Variants in TMEM184B observed in about 807,000 individuals in gnomAD.
The protein encoded by TMEM184B is putative MAPK-activating protein FM08.
Under a neutral mutation model 41.8 loss-of-function variants are expected in TMEM184B, and 17 were observed. The observed-to-expected ratio is 0.41, with a 90% CI of 0.28 to 0.61. The LOEUF (loss-of-function observed/expected upper bound fraction) is 0.61. Among genes scored for constraint, TMEM184B ranks in the 20% least tolerant of loss-of-function variants. The probability of loss-of-function intolerance (pLI) is 0.34; values close to 1 mark genes in which losing one functional copy is unlikely to be tolerated. For missense variants in TMEM184B, 393 were observed against 557.8 expected, an observed-to-expected ratio of 0.70 and a Z score of 2.98; for synonymous variants, 240 against 229.5, an observed-to-expected ratio of 1.05 and a Z score of -0.41.
At position 38,225,794 on chromosome 22, in the gene TMEM184B, G is replaced by C. The variant is rs1366027700; in HGVS notation, c.618-201C>G. ...TGGGGTGCGCCTGCAGGCCAGACCA[G>C]CTCTACTGCCTCTGCGTGGCTCGTG... On this transcript the variant is annotated intron_variant, in intron 6 of 8. Transcript: ENST00000361906. The surrounding 1 kb of genome is among the most constrained non-coding windows in gnomAD (Gnocchi z 4.4). Among the ~76,000 whole-genome samples the C allele has an allele frequency of 1.3e-5, 2 of 152,222 alleles. No individual in the cohort carries two copies. Among genetic ancestry groups the C allele is most frequent in the Non-Finnish European group, 2.9e-5 (2 of 68,042 alleles).
chr22:38,268,400 C>G (rs1160981799), intron 1 of TMEM184B, among the ~76,000 whole-genome samples: 1 of 148,316 alleles, frequency 6.7e-6, no homozygotes, highest in Non-Finnish European at 1.5e-5. Context: ...AGAAAGAATT[C>G]TGGCAGACTC....
At chr22:38,216,853 G>A (rs1400036292), downstream of TMEM184B, among the ~76,000 whole-genome samples, 2 of 151,842 alleles carry the variant, frequency 1.3e-5, no homozygotes, top group Non-Finnish European at 2.9e-5. Flanking sequence ...AGAGCAACCC[G>A]GGCAACATAG....
intron 3 of TMEM184B, among the ~76,000 whole-genome samples, chr22:38,244,037 C>A (rs1217505214): frequency 1.3e-5 from 2 of 152,156 alleles, no homozygotes; most frequent in African/African-American, 4.8e-5. Flanking sequence ...CAGCACGTAT[C>A]AAGCCCTTGA....
Position 38,221,184 on chromosome 22 carries a change from C to T in TMEM184B, c.*285G>A, listed in dbSNP as rs898473081. On this transcript the variant is annotated 3_prime_UTR_variant, in exon 9 of 9. Transcript: ENST00000361906. ...CCTGGGTGCGGCTGGTCCCAGCATG[C>T]CCCCAGCACAGGACGGGCAGCAGGG... 1 of 1,261,090 alleles carries T rather than the reference C, an allele frequency of 7.9e-7. No homozygotes were observed. Among genetic ancestry groups the T allele is most frequent in the East Asian group, 3.5e-5 (1 of 28,626 alleles). 78.1% of individuals were successfully genotyped at this position (1,261,090 alleles called of 1,614,324 possible). A position where few individuals can be genotyped will look rare whatever the true frequency, so the allele number is the denominator to read the frequency against.
intron 3 of TMEM184B, among the ~76,000 whole-genome samples, chr22:38,238,107 G>A (rs1208903010): frequency 2.6e-5 from 4 of 151,590 alleles, no homozygotes; most frequent in Non-Finnish European, 5.9e-5. Context: ...GCCCCCTCGC[G>A]GCTTTTTTAT....
At chr22:38,217,693 GTGGCGCATGTCTGTAGTCC>G (rs1009071623), downstream of TMEM184B, among the ~76,000 whole-genome samples, 1 of 151,250 alleles carries the variant, frequency 6.6e-6, no homozygotes, top group African/African-American at 2.4e-5. Context: ...GCTGAGTGTG[GTGGCGCATGTCTGTAGTCC>G]TGGCTACTCA....
At chr22:38,245,847 A>G (rs1032345688) in intron 3 of TMEM184B, 88 bp downstream of exon 3, 8 of 1,375,036 alleles carry the variant, frequency 5.8e-6, no homozygotes, top group Non-Finnish European at 7.9e-6. Context: ...GACAGTCCTC[A>G]TGAAGCCCCT....
In TMEM184B at chr22:38,221,642, G is replaced by A. The variant is rs1316359114; in HGVS notation, c.1051C>T (p.Gln351Ter). 21 of 1,614,144 alleles carry A rather than the reference G, an allele frequency of 1.3e-5. No individual in the cohort carries two copies. The highest frequency in any genetic ancestry group is 1.8e-5 in the Non-Finnish European group (21 of 1,179,998). ...KETMNPHDIV[Q>*]DAIHNFSPAY... ...GGTGAGAAGTTGTGGATGGCGTCCT[G>A]CACGATGTCGTGCGGGTTCATGGTC... The change falls in exon 9 of 9, where the codon CAG (glutamine) becomes TAG (stop). Residue 351 changes from glutamine (Q) to a stop codon, truncating the protein, a stop_gained. Transcript: ENST00000361906. LOFTEE classifies it high-confidence loss of function.
At chr22:38,219,066 C>T (rs916799430), downstream of TMEM184B, among the ~76,000 whole-genome samples, 4 of 152,220 alleles carry the variant, frequency 2.6e-5, no homozygotes, top group Admixed American at 6.5e-5. Flanking sequence ...CCGCCTGCGG[C>T]CCGGCCGTCC....
chr22:38,246,948 G>A, intron 2 of TMEM184B: 1 of 1,170,060 alleles, frequency 8.5e-7, no homozygotes, highest in African/African-American at 1.6e-5. Flanking sequence ...GGACGCAAAT[G>A]GGTTCTAAAA....
intron 3 of TMEM184B, among the ~76,000 whole-genome samples, chr22:38,235,078 G>A (rs1195372151): frequency 6.6e-6 from 1 of 152,144 alleles, no homozygotes; most frequent in Non-Finnish European, 1.5e-5. Flanking sequence ...GGAGGGCCTG[G>A]CAGCTACAAA....
rs1277799596 is a variant in TMEM184B at position 38,221,518 on chromosome 22, G to T, written c.1175C>A (p.Ala392Asp). Residue 392 changes from alanine (A) to aspartate (D), a missense_variant, in exon 9 of 9, where the codon GCC (alanine) becomes GAC (aspartate). Transcript: ENST00000361906. ...CAGGAGAGTCTTCTCGTTGTCGCGG[G>T]CGCCACTGAGGCTGTGGGAGCGGGA... ...GLSRSHSLSG[A>D]RDNEKTLLLS... is the part of the protein sequence containing the mutation. The T allele has an allele frequency of 6.2e-6, 10 of 1,613,368 alleles. No individual in the cohort carries two copies. Among genetic ancestry groups the T allele is most frequent in the Non-Finnish European group, 8.5e-6 (10 of 1,179,856 alleles).
chr22:38,272,782 G>C (rs1329671759), intron 1 of TMEM184B, 102 bp downstream of exon 1: 1 of 985,076 alleles, frequency 1.0e-6, no homozygotes, highest in Non-Finnish European at 1.2e-6. Flanking sequence ...GGCCGAAGCC[G>C]GGCGTCCCTC....
intron 1 of TMEM184B, among the ~76,000 whole-genome samples, chr22:38,265,987 G>C (rs1279494021): frequency 6.6e-6 from 1 of 152,224 alleles, no homozygotes; most frequent in Non-Finnish European, 1.5e-5. Flanking sequence ...CAGTCCACAG[G>C]GGTTGGAGCA....
At chr22:38,231,374 A>C (rs750245054) in intron 3 of TMEM184B, 40 bp from the exon 4 acceptor site, 2 of 1,516,008 alleles carry the variant, frequency 1.3e-6, no homozygotes, top group Non-Finnish European at 1.8e-6. Context: ...TCAAATCAGC[A>C]GAATGGGTCC....
At chr22:38,238,958 C>T (rs1161781163) in intron 3 of TMEM184B, among the ~76,000 whole-genome samples, 1 of 152,212 alleles carries the variant, frequency 6.6e-6, no homozygotes, top group Non-Finnish European at 1.5e-5. Context: ...ATGAAAAACA[C>T]GTGGGAAAAC....
rs767486268 is a variant in TMEM184B, at chr22:38,224,808, G to C, written c.959C>G (p.Ala320Gly). The C allele has an allele frequency of 1.5e-5, 24 of 1,611,086 alleles. No individual in the cohort carries two copies. The highest frequency in any genetic ancestry group is 2.0e-5 in the Non-Finnish European group (23 of 1,178,236). The change falls in exon 8 of 9, where the codon GCT becomes GGT. Residue 320 changes from alanine to glycine, a missense_variant. Ala to Gly is a moderately conservative substitution (Grantham distance 60). Coordinates refer to ENST00000361906, the MANE Select transcript of TMEM184B (RefSeq NM_012264.5). Reference sequence around the variant, plus strand: ...ACCTTGTGCGTCCAGCCTCTTGTCAGCATAGACCTTGTAGGTGAAGGCGTG... The same window carrying C: ...ACCTTGTGCGTCCAGCCTCTTGTCACCATAGACCTTGTAGGTGAAGGCGTG... ...LRHAFTYKVY[A>G]DKRLDAQGRC...
Position 38,221,261 on chromosome 22 carries a change from G to C in TMEM184B, c.*208C>G. 2 of 1,423,878 alleles carry C rather than the reference G, an allele frequency of 1.4e-6. No individual in the cohort carries two copies. The highest frequency in any genetic ancestry group is 1.8e-6 in the Non-Finnish European group (2 of 1,093,726). 88.2% of individuals were successfully genotyped at this position (1,423,878 alleles called of 1,614,324 possible). ...TGCCCTCGCCCGGGCAGTGCAGGCT[G>C]GGCCATGTATAAATATTCCTGAAGG... On this transcript the variant is annotated 3_prime_UTR_variant, in exon 9 of 9. Coordinates refer to ENST00000361906, the MANE Select transcript of TMEM184B (RefSeq NM_012264.5).
chr22:38,226,916 G>A lies in TMEM184B; in HGVS notation c.526-46C>T. 6.5e-7 allele frequency: 1 copy of A among 1,544,200 alleles called. No homozygotes were observed. Among genetic ancestry groups the A allele is most frequent in the South Asian group, 1.2e-5 (1 of 84,096 alleles). ...TTGAGTGTGGAGGAGGAGCACAGAA[G>A]GCATGAAGCAAGCCCTGCCTCTGGC... On this transcript the variant is annotated intron_variant, in intron 5 of 8. Coordinates refer to ENST00000361906, the MANE Select transcript of TMEM184B (RefSeq NM_012264.5). This position sits in a 1 kb window ranked among gnomAD's most constrained non-coding sequence, Gnocchi z 4.6.
Sources: allele counts gnomAD v4.1 joint callset (sites outside exome capture counted in the v4.1 genomes callset), GRCh38; gene constraint gnomAD v4.1.1; non-coding constraint Gnocchi (gnomAD v3.1); transcripts MANE v1.5; gene names NCBI Gene and HGNC (gene_info 2026-07-23, HGNC 2026-07-21).